The following FCHSD2 variants were observed in gnomAD, a reference collection of about 807,000 sequenced individuals.
The protein encoded by FCHSD2 is F-BAR and double SH3 domains protein 2.
Under a neutral mutation model 108.1 loss-of-function variants are expected in FCHSD2, and 38 were observed. The ratio of observed to expected loss-of-function variants is 0.35; its 90% CI spans 0.27 to 0.46. FCHSD2 has a LOEUF of 0.46. FCHSD2 is among the 20% of genes least tolerant of loss of function. FCHSD2 has a pLI of 1.00. For synonymous variants in FCHSD2, 279 were observed against 314.7 expected (o/e 0.89, Z 1.20); for missense variants, 751 against 897.8 (o/e 0.84, Z 2.09).
intron 4 of FCHSD2, among the ~76,000 whole-genome samples, chr11:73,014,622 C>T (rs930079211): frequency 6.6e-6 from 1 of 152,114 alleles, no homozygotes; most frequent in Non-Finnish European, 1.5e-5. Flanking sequence ...TCATCACTGA[C>T]AATTCAACAG....
intron 9 of FCHSD2, among the ~76,000 whole-genome samples, chr11:72,907,715 C>T (rs1354286673): frequency 2.0e-5 from 3 of 150,602 alleles, no homozygotes; most frequent in East Asian, 2.0e-4. Flanking sequence ...CTCAGCCTCT[C>T]GAGTAGCTGG....
At chr11:72,872,010 C>T (rs1854869837) in intron 12 of FCHSD2, among the ~76,000 whole-genome samples, 1 of 151,656 alleles carries the variant, frequency 6.6e-6, no homozygotes, top group African/African-American at 2.4e-5. Flanking sequence ...TTTATATTAA[C>T]GTTTTTAAGC....
At chr11:73,117,957 A>G (rs1312531790) in intron 2 of FCHSD2, among the ~76,000 whole-genome samples, 2 of 152,208 alleles carry the variant, frequency 1.3e-5, no homozygotes, top group Admixed American at 6.5e-5. Flanking sequence ...ATATGCACAC[A>G]TATTATATAT....
intron 12 of FCHSD2, among the ~76,000 whole-genome samples, chr11:72,881,197 T>C (rs1284109227): frequency 6.6e-6 from 1 of 152,164 alleles, no homozygotes; most frequent in Non-Finnish European, 1.5e-5. Context: ...CATGTAATCT[T>C]ATTAAAAATT....
intron 3 of FCHSD2, among the ~76,000 whole-genome samples, chr11:73,057,365 T>C (rs1486463360): frequency 6.6e-6 from 1 of 152,006 alleles, no homozygotes; most frequent in Admixed American, 6.6e-5. Context: ...AGCCAGGTAA[T>C]CTCCTTCAGA....
chr11:72,889,464 G>A (rs533230588), intron 11 of FCHSD2, among the ~76,000 whole-genome samples: 2 of 151,016 alleles, frequency 1.3e-5, no homozygotes, highest in South Asian at 2.1e-4. Context: ...TGAGTGTTGA[G>A]AAAGTACAGA....
At position 72,984,133 on chromosome 11, in the gene FCHSD2, T is replaced by A. The variant is rs200272080; in HGVS notation, c.660A>T (p.Ala220=). 1.2e-6 allele frequency: 2 copies of A among 1,613,546 alleles called. No homozygotes were observed. Among genetic ancestry groups the A allele is most frequent in the Non-Finnish European group, 1.7e-6 (2 of 1,179,476 alleles). ...DYLLTLAAAN[A]HQDRYYQTDL... The stretch of plus-strand genomic sequence containing the variant: ...CTGTTTGATAGTAGCGATCCTGATG[T>A]GCATTTGCTGCCGCTAGGGTAAGAA... Residue 220 remains alanine (A), a synonymous_variant, in exon 8 of 20, where the codon GCA becomes GCT. Transcript: ENST00000409418.
intron 2 of FCHSD2, among the ~76,000 whole-genome samples, chr11:73,123,401 T>C (rs1300291081): frequency 6.6e-6 from 1 of 152,164 alleles, no homozygotes; most frequent in Non-Finnish European, 1.5e-5. Flanking sequence ...CCTGGAAAAG[T>C]AGCGCTCATC....
At position 73,041,473 on chromosome 11, in the gene FCHSD2, G is replaced by T. The variant is rs537230922; in HGVS notation, c.166-25588C>A. Among the ~76,000 whole-genome samples, 4 of 152,250 alleles carry T rather than the reference G, an allele frequency of 2.6e-5. No homozygotes were observed. The South Asian group carries it at 8.3e-4, about 32-fold the overall frequency. On this transcript the variant is annotated intron_variant, in intron 3 of 19. Coordinates refer to ENST00000409418, the MANE Select transcript of FCHSD2 (RefSeq NM_014824.3). ...TTGTGGTTTTGATTTTCATTTCCCT[G>T]ATGATTAGTGATGCTGAGCATTTTT...
intron 8 of FCHSD2, among the ~76,000 whole-genome samples, chr11:72,948,384 C>A (rs1856559428): frequency 1.3e-5 from 2 of 152,138 alleles, no homozygotes; most frequent in Admixed American, 1.3e-4. Flanking sequence ...TTTCATTTTT[C>A]AACATTTTAG....
At chr11:72,846,087 G>A (rs1861129989) in intron 14 of FCHSD2, among the ~76,000 whole-genome samples, 1 of 482 alleles carries the variant, frequency 2.1e-3, no homozygotes. Flanking sequence ...TAGATAGATA[G>A]ATAGATAAGT....
chr11:73,139,896 C>T, intron 2 of FCHSD2, 135 bp downstream of exon 2: 1 of 522,926 alleles, frequency 1.9e-6, no homozygotes, highest in South Asian at 3.2e-5. Flanking sequence ...TAATTTCCAG[C>T]TGAGTCAAAG....
intron 13 of FCHSD2, among the ~76,000 whole-genome samples, chr11:72,860,305 A>G (rs186314162): frequency 2.8e-4 from 42 of 152,330 alleles, no homozygotes; most frequent in African/African-American, 9.9e-4. Flanking sequence ...TATAGAACAT[A>G]ACCCCTAACA....
chr11:73,040,105 C>T (rs1313046447), intron 3 of FCHSD2, among the ~76,000 whole-genome samples: 4 of 152,154 alleles, frequency 2.6e-5, no homozygotes, highest in Non-Finnish European at 5.9e-5. Context: ...AGAAATAACA[C>T]TGTGGATAAC....
At chr11:73,063,152 G>T (rs954987961) in intron 3 of FCHSD2, among the ~76,000 whole-genome samples, 1 of 152,152 alleles carries the variant, frequency 6.6e-6, no homozygotes, top group African/African-American at 2.4e-5. Flanking sequence ...TTAAAGAAAA[G>T]AATTTTCAAC....
chr11:73,103,346 G>T (rs531250629), intron 2 of FCHSD2, among the ~76,000 whole-genome samples: 1 of 152,024 alleles, frequency 6.6e-6, no homozygotes, highest in Admixed American at 6.6e-5. Flanking sequence ...TTCAGAACCC[G>T]CAAAACACTG....
chr11:72,845,226 G>A (rs1861088904), intron 14 of FCHSD2, among the ~76,000 whole-genome samples: 1 of 152,022 alleles, frequency 6.6e-6, no homozygotes, highest in African/African-American at 2.4e-5. Context: ...TTTGAGACCG[G>A]CCTGGGCAAC....
At chr11:72,839,801 CT>C (rs1565279954) in intron 19 of FCHSD2, among the ~76,000 whole-genome samples, 1 of 152,156 alleles carries the variant, frequency 6.6e-6, no homozygotes, top group African/African-American at 2.4e-5. Context: ...AGTTATAAAT[CT>C]GAGACTTGCT....
intron 9 of FCHSD2, among the ~76,000 whole-genome samples, chr11:72,919,936 G>A (rs1855946649): frequency 6.6e-6 from 1 of 151,758 alleles, no homozygotes; most frequent in Non-Finnish European, 1.5e-5. Flanking sequence ...GGGTTAATAA[G>A]GAGAAAAAAA....
Sources: allele counts gnomAD v4.1 joint callset (sites outside exome capture counted in the v4.1 genomes callset), GRCh38; gene constraint gnomAD v4.1.1; transcripts MANE v1.5; gene names NCBI Gene and HGNC (gene_info 2026-07-23, HGNC 2026-07-21).